Variants in PPP2R2B observed in about 807,000 individuals in gnomAD.
The protein encoded by PPP2R2B is serine/threonine-protein phosphatase 2A 55 kDa regulatory subunit B beta isoform.
A neutral mutation model predicts 46.0 loss-of-function variants in PPP2R2B; 5 were observed. The ratio of observed to expected loss-of-function variants is 0.11; its 90% CI spans 0.06 to 0.23. The LOEUF (loss-of-function observed/expected upper bound fraction) is 0.23. Ranked by LOEUF, PPP2R2B falls within the 10% of genes least tolerant of loss-of-function variation. PPP2R2B has a pLI of 1.00. For missense variants in PPP2R2B, 367 were observed against 575.0 expected (o/e 0.64, Z 3.70); for synonymous variants, 215 against 206.7 (o/e 1.04, Z -0.34).
rs374267579 is a variant in PPP2R2B at position 147,073,482 on chromosome 5, G to A, written c.50+7577C>T. Among the ~76,000 whole-genome samples, 10 of 152,120 alleles carry A rather than the reference G, an allele frequency of 6.6e-5. No individual in the cohort carries two copies. In the East Asian group the frequency reaches 1.2e-3, roughly 18 times the overall value. On this transcript the variant is annotated intron_variant, in intron 2 of 10. Coordinates refer to the PPP2R2B transcript ENST00000394413. ...GCGCCATGCAAAGTGAAGTTGCATA[G>A]GAAATCCCCCTGTAGCCTACTAGGT... is the stretch of plus-strand genomic sequence containing the variant.
At chr5:146,859,029 T>C (rs552030663) in intron 2 of PPP2R2B, among the ~76,000 whole-genome samples, 1 of 152,334 alleles carries the variant, frequency 6.6e-6, no homozygotes, top group Non-Finnish European at 1.5e-5. Context: ...TCCAAGACTA[T>C]AAGATTTCAT....
At chr5:146,757,553 G>A (rs972776724) in intron 2 of PPP2R2B, among the ~76,000 whole-genome samples, 2 of 152,124 alleles carry the variant, frequency 1.3e-5, no homozygotes, top group Non-Finnish European at 2.9e-5. Context: ...CATTGTTTTG[G>A]ACATGCAGGG....
chr5:146,977,656 G>A (rs776356753), intron 1 of PPP2R2B, among the ~76,000 whole-genome samples: 50 of 152,206 alleles, frequency 3.3e-4, no homozygotes, highest in Non-Finnish European at 5.9e-4. Context: ...TTAGTTTGCC[G>A]AGAATGATGG....
At chr5:146,832,895 G>A (rs1291832156) in intron 2 of PPP2R2B, among the ~76,000 whole-genome samples, 1 of 151,876 alleles carries the variant, frequency 6.6e-6, no homozygotes, top group African/African-American at 2.4e-5. Context: ...ACACTCTGGT[G>A]TTCACACAAG....
chr5:146,964,441 A>AT (rs11463492), intron 1 of PPP2R2B, among the ~76,000 whole-genome samples: 29,395 of 151,828 alleles, frequency 0.19, 3,353 homozygotes, highest in East Asian at 0.36. Flanking sequence ...ACCTTAGGAT[A>AT]TTTTTTTTAT....
intron 1 of PPP2R2B, among the ~76,000 whole-genome samples, chr5:146,970,579 C>T (rs1392433833): frequency 6.6e-6 from 1 of 151,364 alleles, no homozygotes; most frequent in Non-Finnish European, 1.5e-5. Flanking sequence ...GTCTAGGGGA[C>T]AGAGGAGACT....
chr5:146,931,400 G>A (rs1763965682), intron 1 of PPP2R2B, among the ~76,000 whole-genome samples: 3 of 152,038 alleles, frequency 2.0e-5, no homozygotes, highest in African/African-American at 7.2e-5. Context: ...GGAACTGTCC[G>A]GAAATAGCAC....
At chr5:146,657,422 T>A (rs1776403347) in intron 5 of PPP2R2B, among the ~76,000 whole-genome samples, 1 of 152,220 alleles carries the variant, frequency 6.6e-6, no homozygotes, top group Non-Finnish European at 1.5e-5. Context: ...AGGATGTGGA[T>A]GGATTTTAGC....
intron 1 of PPP2R2B, among the ~76,000 whole-genome samples, chr5:147,049,608 T>A (rs545400186): frequency 6.6e-6 from 1 of 152,212 alleles, no homozygotes; most frequent in South Asian, 2.1e-4. Context: ...ATTTACAGTT[T>A]AGGAAGATGA....
intron 1 of PPP2R2B, among the ~76,000 whole-genome samples, chr5:146,889,238 G>T (rs537499782): frequency 6.6e-6 from 1 of 152,258 alleles, no homozygotes; most frequent in East Asian, 1.9e-4. Flanking sequence ...CCTGGGTTTT[G>T]CCCTAGGCTT....
At chr5:147,057,801 C>A (rs1297006774), upstream of PPP2R2B, among the ~76,000 whole-genome samples, 2 of 152,272 alleles carry the variant, frequency 1.3e-5, no homozygotes, top group East Asian at 3.9e-4. Context: ...CTGCCTTTGA[C>A]ATTGACTTGC....
intron 1 of PPP2R2B, among the ~76,000 whole-genome samples, chr5:146,935,188 G>A (rs1764099933): frequency 6.6e-6 from 1 of 152,174 alleles, no homozygotes; most frequent in East Asian, 1.9e-4. Flanking sequence ...GCCTTTGAGA[G>A]GTGACTAGAT....
intron 1 of PPP2R2B, among the ~76,000 whole-genome samples, chr5:147,003,554 G>A (rs1034123796): frequency 1.3e-4 from 20 of 152,228 alleles, no homozygotes; most frequent in Middle Eastern, 3.4e-3. Flanking sequence ...AAAAGAATGC[G>A]GCTTTAGCTG....
At chr5:146,970,444 A>T (rs1050812671) in intron 1 of PPP2R2B, among the ~76,000 whole-genome samples, 2 of 152,030 alleles carry the variant, frequency 1.3e-5, no homozygotes, top group African/African-American at 4.8e-5. Flanking sequence ...CTACTAAAAA[A>T]AATTAGCCAT....
At chr5:146,938,076 G>T (rs552400592) in intron 1 of PPP2R2B, among the ~76,000 whole-genome samples, 2 of 152,060 alleles carry the variant, frequency 1.3e-5, no homozygotes, top group Non-Finnish European at 2.9e-5. Flanking sequence ...ATTTTACTGG[G>T]CCAAAACGTA....
chr5:147,009,386 C>G (rs1201241411), intron 1 of PPP2R2B, among the ~76,000 whole-genome samples: 1 of 152,050 alleles, frequency 6.6e-6, no homozygotes, highest in Non-Finnish European at 1.5e-5. Flanking sequence ...CACTTTAAAT[C>G]CTTGTATGAA....
chr5:147,059,765 A>C (rs1170014465), upstream of PPP2R2B, among the ~76,000 whole-genome samples: 1 of 152,172 alleles, frequency 6.6e-6, no homozygotes, highest in Non-Finnish European at 1.5e-5. Flanking sequence ...GGCTGCTCTA[A>C]GCTTTTCTTT....
intron 2 of PPP2R2B, among the ~76,000 whole-genome samples, chr5:146,818,074 G>C (rs1292535016): frequency 6.6e-6 from 1 of 152,130 alleles, no homozygotes; most frequent in Non-Finnish European, 1.5e-5. Context: ...CCCTGATCTT[G>C]TAAGACTGGG....
At chr5:146,842,781 G>A (rs1435687684) in intron 2 of PPP2R2B, among the ~76,000 whole-genome samples, 3 of 152,088 alleles carry the variant, frequency 2.0e-5, no homozygotes, top group Admixed American at 6.6e-5. Flanking sequence ...TAGGGATAAC[G>A]GCCTCCTTAT....
Sources: allele counts gnomAD v4.1 joint callset (sites outside exome capture counted in the v4.1 genomes callset), GRCh38; gene constraint gnomAD v4.1.1; transcripts MANE v1.5; gene names NCBI Gene and HGNC (gene_info 2026-07-23, HGNC 2026-07-21).